INSC: variants seen among roughly 807,000 people sequenced by gnomAD.
The protein encoded by INSC is protein inscuteable homolog.
Under a neutral mutation model 58.6 loss-of-function variants are expected in INSC, and 67 were observed. The observed-to-expected ratio is 1.14, with a 90% CI of 0.94 to 1.40. The LOEUF (loss-of-function observed/expected upper bound fraction) is 1.40, where lower values mean the gene tolerates loss of function less well. Ranked by LOEUF, INSC falls within the 40% of genes most tolerant of loss-of-function variation. The pLI is 0.00. For synonymous variants in INSC, 262 were observed against 276.1 expected (o/e 0.95, Z 0.51); for missense variants, 714 against 692.0 (o/e 1.03, Z -0.36).
At chr11:15,131,042 C>A (rs898615828) in intron 1 of INSC, among the ~76,000 whole-genome samples, 1 of 151,834 alleles carries the variant, frequency 6.6e-6, no homozygotes, top group Non-Finnish European at 1.5e-5. Context: ...TAATTATTTT[C>A]CCTCTGATAC....
downstream of INSC, among the ~76,000 whole-genome samples, chr11:15,251,167 T>C (rs1379777207): frequency 6.6e-6 from 1 of 152,160 alleles, no homozygotes; most frequent in Non-Finnish European, 1.5e-5. Flanking sequence ...CAAAATGAGT[T>C]TGGAGTTTCT....
At chr11:15,219,773 C>T (rs751424666) in intron 7 of INSC, among the ~76,000 whole-genome samples, 1 of 152,172 alleles carries the variant, frequency 6.6e-6, no homozygotes, top group South Asian at 2.1e-4. Flanking sequence ...TTCTTAGCAA[C>T]GAGCTTGATC....
intron 2 of INSC, among the ~76,000 whole-genome samples, chr11:15,156,829 C>T (rs1225399660): frequency 6.6e-6 from 1 of 152,076 alleles, no homozygotes; most frequent in African/African-American, 2.4e-5. Context: ...TTTGGAATAC[C>T]CCTGAGGAAA....
intron 6 of INSC, among the ~76,000 whole-genome samples, chr11:15,193,386 T>G (rs117702603): frequency 0.023 from 3,431 of 152,354 alleles, 67 homozygotes; most frequent in Non-Finnish European, 0.036. Context: ...GTTGGTTTGC[T>G]GTACCCATTA....
chr11:15,204,875 CT>C (rs1564902109), intron 7 of INSC, among the ~76,000 whole-genome samples: 1 of 152,188 alleles, frequency 6.6e-6, no homozygotes, highest in African/African-American at 2.4e-5. Flanking sequence ...CCCTCCTTTC[CT>C]TCAACCGTGA....
At chr11:15,238,481 T>C (rs1462635279) in intron 10 of INSC, among the ~76,000 whole-genome samples, 3 of 152,168 alleles carry the variant, frequency 2.0e-5, no homozygotes, top group Non-Finnish European at 2.9e-5. Flanking sequence ...CTAAATGTGA[T>C]GCTACATCTG....
Position 15,188,387 on chromosome 11 carries a change from G to A in INSC, c.580-2314G>A, listed in dbSNP as rs546633360. On this transcript the variant is annotated intron_variant, in intron 5 of 12. Coordinates refer to ENST00000379556, the MANE Select transcript of INSC (RefSeq NM_001042536.3). ...TGGATTTCCTGACCTTCAAAAATGG[G>A]ATGTCAAATTCAGAGGGGTCAGGGC... is the stretch of plus-strand genomic sequence containing the variant. The A allele has an allele frequency of 3.7e-4, 369 of 984,698 alleles. 2 individuals are homozygous for A. In the African/African-American group the frequency reaches 6.1e-3, roughly 16 times the overall value. The allele number at this position is 984,698 out of a possible 1,614,324, so 61.0% of individuals were successfully genotyped here. A position where few individuals can be genotyped will look rare whatever the true frequency, so the allele number is the denominator to read the frequency against.
At chr11:15,137,461 T>C (rs989867607) in intron 1 of INSC, among the ~76,000 whole-genome samples, 4 of 152,224 alleles carry the variant, frequency 2.6e-5, no homozygotes, top group East Asian at 1.9e-4. Flanking sequence ...TTTGTCTCCA[T>C]TGAAGATCTG....
At chr11:15,173,872 C>A (rs1849485436) in intron 2 of INSC, among the ~76,000 whole-genome samples, 1 of 152,142 alleles carries the variant, frequency 6.6e-6, no homozygotes, top group Non-Finnish European at 1.5e-5. Context: ...TGCTCCTTCT[C>A]ATTAAATAAC....
At chr11:15,158,055 C>A (rs758483394) in intron 2 of INSC, among the ~76,000 whole-genome samples, 1 of 152,044 alleles carries the variant, frequency 6.6e-6, no homozygotes, top group Non-Finnish European at 1.5e-5. Flanking sequence ...CTATCCTGTC[C>A]CTCCCAGATC....
intron 10 of INSC, among the ~76,000 whole-genome samples, 156 bp downstream of exon 10, chr11:15,235,824 G>T (rs1042241241): frequency 6.6e-6 from 1 of 152,114 alleles, no homozygotes; most frequent in Non-Finnish European, 1.5e-5. Flanking sequence ...GGGAAGCAGA[G>T]GTGGGCGGAT....
In INSC at chr11:15,176,861, C is replaced by T. The variant is rs11820558; in HGVS notation, c.403-250C>T. ...CATTCTTCAAAACCCAGCTCAAATG[C>T]CCCTTCTTTCCTGAAGCTTCCCAGC... On this transcript the variant is annotated intron_variant, in intron 3 of 12. Transcript: ENST00000379556. Among the ~76,000 whole-genome samples, 586 of 152,276 alleles carry T rather than the reference C, an allele frequency of 3.8e-3. 5 individuals are homozygous for T. The highest frequency in any genetic ancestry group is 0.013 in the African/African-American group (544 of 41,554).
chr11:15,240,391 G>C, intron 11 of INSC, 56 bp from the exon 12 acceptor site: 1 of 1,494,002 alleles, frequency 6.7e-7, no homozygotes, highest in South Asian at 1.1e-5. Flanking sequence ...GAACCTCTGG[G>C]TCAGGCCTGG....
intron 7 of INSC, among the ~76,000 whole-genome samples, chr11:15,208,239 C>T (rs1273264133): frequency 1.3e-5 from 2 of 152,156 alleles, no homozygotes; most frequent in Admixed American, 1.3e-4. Flanking sequence ...GGCACTCAAC[C>T]CATCTAGGAT....
At chr11:15,149,941 T>C (rs557750442) in intron 2 of INSC, among the ~76,000 whole-genome samples, 1 of 152,314 alleles carries the variant, frequency 6.6e-6, no homozygotes, top group East Asian at 1.9e-4. Context: ...CAAGGCATGA[T>C]TTCTAACTGA....
At chr11:15,178,202 C>A in intron 4 of INSC, 122 bp from the exon 5 acceptor site, 1 of 1,309,490 alleles carries the variant, frequency 7.6e-7, no homozygotes. Context: ...TCTCTGACTC[C>A]CAGTTGCCAA....
At chr11:15,262,671 C>CACACAG in the INSC span, among the ~76,000 whole-genome samples, 3 of 151,846 alleles carry the variant, frequency 2.0e-5, no homozygotes, top group East Asian at 5.8e-4. Flanking sequence ...CACACACACA[C>CACACAG]ACACACACAC....
rs772048852 is a variant in INSC at position 15,235,626 on chromosome 11, T to A, written c.1195T>A (p.Ser399Thr). The change falls in exon 10 of 13, where the codon TCT becomes ACT. Residue 399 changes from serine (S) to threonine (T), a missense_variant. Physicochemically the swap from Ser to Thr is moderately conservative, Grantham distance 58. Transcript: ENST00000379556. ...GATTGTGACCATCTTGGCAAACATG[T>A]CTGTCCTAGAACAGTGTGCCTCTGA... ...DQIVTILANM[S>T]VLEQCASDII... is the part of the protein sequence containing the mutation. 2 of 1,613,970 alleles carry A rather than the reference T, an allele frequency of 1.2e-6. No individual in the cohort carries two copies. The highest frequency in any genetic ancestry group is 2.7e-5 in the African/African-American group (2 of 74,946).
chr11:15,196,586 G>T (rs1217891846), intron 6 of INSC, among the ~76,000 whole-genome samples: 2 of 152,122 alleles, frequency 1.3e-5, no homozygotes, highest in African/African-American at 4.8e-5. Flanking sequence ...GCTGGTGGAG[G>T]TCAAAACTGG....
Sources: gnomAD v4.1 joint callset for allele counts (sites outside exome capture counted in the v4.1 genomes callset) on GRCh38, gnomAD v4.1.1 for gene constraint, MANE v1.5 for transcripts, NCBI Gene and HGNC (gene_info 2026-07-23, HGNC 2026-07-21) for gene names.